The following NFIB variants were observed in gnomAD, a reference collection of about 807,000 sequenced individuals.
The protein encoded by NFIB is nuclear factor 1 B-type.
NFIB carries 11 observed loss-of-function variants against 61.5 expected under a neutral mutation model. The ratio of observed to expected loss-of-function variants is 0.18; its 90% CI spans 0.11 to 0.30. NFIB has a LOEUF of 0.30. NFIB is among the 10% of genes least tolerant of loss of function. The pLI is 1.00. For missense variants in NFIB, 471 were observed against 608.9 expected, an observed-to-expected ratio of 0.77 and a Z score of 2.38; for synonymous variants, 260 against 216.5, an observed-to-expected ratio of 1.20 and a Z score of -1.76.
At position 14,084,347 on chromosome 9, in the gene NFIB, G is replaced by C. The variant is rs1333133774; in HGVS notation, c.*3962C>G. On this transcript the variant is annotated 3_prime_UTR_variant, in exon 11 of 11. Transcript: ENST00000380953. ...ACAGTGTACAAATTACTGTCTACAA[G>C]GTAGGCGGTTCATTAAGAAGACCTT... 4.6e-6 allele frequency: 1 copy of C among 218,520 alleles called. No homozygotes were observed. Among genetic ancestry groups the C allele is most frequent in the Non-Finnish European group, 9.2e-6 (1 of 108,634 alleles). The allele number at this position is 218,520 out of a possible 1,614,324, so 13.5% of individuals were successfully genotyped here. A position where few individuals can be genotyped will look rare whatever the true frequency, so the allele number is the denominator to read the frequency against.
the NFIB span, among the ~76,000 whole-genome samples, chr9:14,415,501 G>A: frequency 6.6e-6 from 1 of 152,350 alleles, no homozygotes; most frequent in East Asian, 1.9e-4. Context: ...TGCACAAAGT[G>A]TGAATAGCAG....
At chr9:14,293,749 A>T (rs965201962) in intron 2 of NFIB, among the ~76,000 whole-genome samples, 10 of 152,184 alleles carry the variant, frequency 6.6e-5, no homozygotes, top group African/African-American at 2.2e-4. Flanking sequence ...AGATATTAAC[A>T]CAAACTCCTG....
At chr9:14,219,891 A>T (rs2051426533) in intron 2 of NFIB, among the ~76,000 whole-genome samples, 1 of 151,806 alleles carries the variant, frequency 6.6e-6, no homozygotes, top group Admixed American at 6.6e-5. Flanking sequence ...TCATTACATC[A>T]GAATCTACAC....
the NFIB span, among the ~76,000 whole-genome samples, chr9:14,411,612 C>T: frequency 5.3e-5 from 8 of 152,172 alleles, no homozygotes; most frequent in South Asian, 2.1e-4. Flanking sequence ...TCATGAGCCA[C>T]GGAACAATAC....
At chr9:14,405,242 T>G in the NFIB span, among the ~76,000 whole-genome samples, 1 of 152,186 alleles carries the variant, frequency 6.6e-6, no homozygotes, top group Admixed American at 6.5e-5. Context: ...CCTGAATGGT[T>G]ATAGGGAGCA....
chr9:14,472,665 C>A, the NFIB span, among the ~76,000 whole-genome samples: 12 of 151,994 alleles, frequency 7.9e-5, no homozygotes, highest in African/African-American at 2.4e-4. Flanking sequence ...CACGGTGAAA[C>A]CCCATCTCTA....
At chr9:14,160,327 C>T (rs1453630653) in intron 3 of NFIB, among the ~76,000 whole-genome samples, 2 of 151,998 alleles carry the variant, frequency 1.3e-5, no homozygotes, top group African/African-American at 4.8e-5. Context: ...GTTAATATCT[C>T]AAATTATAAT....
At chr9:14,238,377 C>G (rs1405520025) in intron 2 of NFIB, among the ~76,000 whole-genome samples, 1 of 152,126 alleles carries the variant, frequency 6.6e-6, no homozygotes, top group Non-Finnish European at 1.5e-5. Flanking sequence ...TCAAGAGAGA[C>G]AGTCTTGTGA....
chr9:14,380,745 A>G (rs2061478370), intron 1 of NFIB, among the ~76,000 whole-genome samples: 2 of 152,144 alleles, frequency 1.3e-5, no homozygotes, highest in Admixed American at 6.5e-5. Context: ...ATGATCTCTC[A>G]TCCACACAAT....
chr9:14,160,026 G>A (rs2043966652), intron 3 of NFIB, among the ~76,000 whole-genome samples: 1 of 152,142 alleles, frequency 6.6e-6, no homozygotes, highest in African/African-American at 2.4e-5. Flanking sequence ...GCTGCTTAAT[G>A]GTTACAGAGC....
At chr9:14,382,969 C>T (rs988517904) in intron 1 of NFIB, among the ~76,000 whole-genome samples, 1 of 152,112 alleles carries the variant, frequency 6.6e-6, no homozygotes, top group African/African-American at 2.4e-5. Flanking sequence ...AGCCTCCCAA[C>T]AGAATACAGC....
At chr9:14,246,944 G>A (rs574207882) in intron 2 of NFIB, among the ~76,000 whole-genome samples, 1 of 152,244 alleles carries the variant, frequency 6.6e-6, no homozygotes, top group South Asian at 2.1e-4. Flanking sequence ...TCCCTACAAA[G>A]AAGAGATGCC....
At chr9:14,438,331 G>C in the NFIB span, among the ~76,000 whole-genome samples, 1 of 152,210 alleles carries the variant, frequency 6.6e-6, no homozygotes, top group Non-Finnish European at 1.5e-5. Context: ...GTGCTAAATA[G>C]TCTTACGTGT....
chr9:14,456,452 A>G, the NFIB span, among the ~76,000 whole-genome samples: 3 of 152,314 alleles, frequency 2.0e-5, no homozygotes, highest in East Asian at 5.8e-4. Flanking sequence ...ACATATAATT[A>G]ATTTCTCTAA....
chr9:14,503,143 T>C, the NFIB span, among the ~76,000 whole-genome samples: 2 of 150,928 alleles, frequency 1.3e-5, no homozygotes, highest in African/African-American at 4.9e-5. Flanking sequence ...TGTGTGTATA[T>C]ATATAAAATA....
the NFIB span, among the ~76,000 whole-genome samples, chr9:14,414,021 G>T: frequency 1.3e-5 from 2 of 152,208 alleles, no homozygotes; most frequent in South Asian, 4.2e-4. Context: ...ATTCACTTAT[G>T]TCTACTCAGC....
the NFIB span, among the ~76,000 whole-genome samples, chr9:14,446,358 C>G: frequency 6.6e-6 from 1 of 152,186 alleles, no homozygotes; most frequent in African/African-American, 2.4e-5. Flanking sequence ...TCTTATCCTT[C>G]TGGGATTCCA....
At chr9:14,498,998 G>C in the NFIB span, among the ~76,000 whole-genome samples, 1 of 150,470 alleles carries the variant, frequency 6.6e-6, no homozygotes. Flanking sequence ...TTGTGTGTAT[G>C]TGTGTGTGTG....
the NFIB span, among the ~76,000 whole-genome samples, chr9:14,451,033 G>C: frequency 1.3e-5 from 2 of 152,206 alleles, no homozygotes; most frequent in Non-Finnish European, 2.9e-5. Context: ...ATTTAGAGCA[G>C]GGATTTTGGT....
Sources: allele counts gnomAD v4.1 joint callset (sites outside exome capture counted in the v4.1 genomes callset), GRCh38; gene constraint gnomAD v4.1.1; transcripts MANE v1.5; gene names NCBI Gene and HGNC (gene_info 2026-07-23, HGNC 2026-07-21).